KLRB1: variants seen among roughly 807,000 people sequenced by gnomAD.
KLRB1 encodes the protein killer cell lectin-like receptor subfamily B member 1.
A neutral mutation model predicts 33.5 loss-of-function variants in KLRB1; 27 were observed. The ratio of observed to expected loss-of-function variants is 0.81; its 90% CI spans 0.59 to 1.11. The LOEUF is 1.11. KLRB1 is among the 50% of genes most tolerant of loss of function. The probability of loss-of-function intolerance (pLI) is 0.00; values close to 1 mark genes in which losing one functional copy is unlikely to be tolerated. For missense variants in KLRB1, 241 were observed against 254.1 expected, an observed-to-expected ratio of 0.95 and a Z score of 0.35; for synonymous variants, 64 against 88.9, an observed-to-expected ratio of 0.72 and a Z score of 1.58.
chr12:9,601,725 C>A, intron 1 of KLRB1, 126 bp from the exon 2 acceptor site: 2 of 643,086 alleles, frequency 3.1e-6, no homozygotes. Context: ...TTAGATTCAG[C>A]TTGGGGGATG....
intron 1 of KLRB1, among the ~76,000 whole-genome samples, chr12:9,604,194 A>C (rs1157131252): frequency 6.6e-6 from 1 of 152,154 alleles, no homozygotes. Context: ...ACAATGAATC[A>C]CTACAGGGGT....
At chr12:9,600,500 T>C (rs1244294484) in intron 2 of KLRB1, among the ~76,000 whole-genome samples, 1 of 152,214 alleles carries the variant, frequency 6.6e-6, no homozygotes, top group African/African-American at 2.4e-5. Context: ...ATTGTTACTG[T>C]GTCTGTGTAG....
intron 1 of KLRB1, among the ~76,000 whole-genome samples, chr12:9,604,820 G>A (rs1393502112): frequency 6.6e-6 from 1 of 151,972 alleles, no homozygotes; most frequent in Non-Finnish European, 1.5e-5. Flanking sequence ...TTTATTGATG[G>A]TGTGCCTCCA....
chr12:9,606,065 T>G (rs946248008), intron 1 of KLRB1, among the ~76,000 whole-genome samples: 3 of 152,188 alleles, frequency 2.0e-5, no homozygotes, highest in African/African-American at 7.2e-5. Context: ...TAGAACCCTC[T>G]GATTTCCTCT....
intron 1 of KLRB1, among the ~76,000 whole-genome samples, chr12:9,603,668 T>C (rs1864569446): frequency 6.6e-6 from 1 of 150,486 alleles, no homozygotes; most frequent in South Asian, 2.1e-4. Flanking sequence ...ACTCCCAACC[T>C]CAGGTGATCC....
Position 9,595,165 on chromosome 12 carries a change from T to A in KLRB1, c.*109A>T. 1.2e-6 allele frequency: 1 copy of A among 856,306 alleles called. No homozygotes were observed. The highest frequency in any genetic ancestry group is 1.9e-6 in the Non-Finnish European group (1 of 536,640). 53.0% of individuals were successfully genotyped at this position (856,306 alleles called of 1,614,324 possible). ...AACAGTTGTCAATTCTCAGAATTGT[T>A]CACTTTGTGCCACTAAATGTGGCAC... On this transcript the variant is annotated 3_prime_UTR_variant, in exon 6 of 6. Transcript: ENST00000229402.
chr12:9,605,673 A>G (rs966995745), intron 1 of KLRB1, among the ~76,000 whole-genome samples: 4 of 152,208 alleles, frequency 2.6e-5, no homozygotes, highest in African/African-American at 9.6e-5. Context: ...TGCCTTAGAC[A>G]CAATCACCGT....
At chr12:9,601,624 A>AG in intron 1 of KLRB1, 25 bp from the exon 2 acceptor site, 2 of 1,408,444 alleles carry the variant, frequency 1.4e-6, no homozygotes, top group Non-Finnish European at 1.9e-6. Context: ...AGAAAAACAC[A>AG]AAAACAAACA....
At chr12:9,598,719 C>A in intron 3 of KLRB1, 66 bp from the exon 4 acceptor site, 1 of 1,087,454 alleles carries the variant, frequency 9.2e-7, no homozygotes, top group Non-Finnish European at 1.4e-6. Context: ...CACACCACAA[C>A]CAATCACACA....
At chr12:9,607,392 C>CT (rs764287162) in intron 1 of KLRB1, among the ~76,000 whole-genome samples, 46 of 87,604 alleles carry the variant, frequency 5.3e-4, no homozygotes, top group South Asian at 1.5e-3. Context: ...TTCTTTCTTT[C>CT]TTTCTTTCTT....
At chr12:9,602,213 A>T (rs1864553652) in intron 1 of KLRB1, among the ~76,000 whole-genome samples, 1 of 152,252 alleles carries the variant, frequency 6.6e-6, no homozygotes, top group South Asian at 2.1e-4. Context: ...GTATAACATA[A>T]CATGCGCTTA....
At chr12:9,600,416 T>TA (rs1864528037) in intron 2 of KLRB1, among the ~76,000 whole-genome samples, 2 of 152,176 alleles carry the variant, frequency 1.3e-5, no homozygotes. Context: ...CATGACTTTT[T>TA]ATTCATTGAT....
At chr12:9,598,217 C>G in intron 4 of KLRB1, 56 bp from the exon 5 acceptor site, 3 of 1,157,530 alleles carry the variant, frequency 2.6e-6, no homozygotes, top group Non-Finnish European at 3.9e-6. Context: ...GTTTGATCCC[C>G]TAAAACCTAG....
At chr12:9,607,335 C>CTTCCTTTCTTTCTTTCTTT (rs1491505010) in intron 1 of KLRB1, among the ~76,000 whole-genome samples, 1 of 65,168 alleles carries the variant, frequency 1.5e-5, no homozygotes, top group Non-Finnish European at 3.6e-5. Flanking sequence ...CTCTTTCTTT[C>CTTCCTTTCTTTCTTTCTTT]CTTTCTTTCT....
chr12:9,603,598 A>AT (rs35214620), intron 1 of KLRB1, among the ~76,000 whole-genome samples: 51 of 136,524 alleles, frequency 3.7e-4, no homozygotes, highest in African/African-American at 1.3e-3. Flanking sequence ...CTAATTTTGT[A>AT]TTTTTTTTTT....
intron 5 of KLRB1, 28 bp downstream of exon 5, chr12:9,598,005 GATATAAATTGAAT>G (rs1864506965): frequency 1.1e-6 from 1 of 916,332 alleles, no homozygotes; most frequent in African/African-American, 1.7e-5. Context: ...GTGTAAACCT[GATATAAATTGAAT>G]ATTAAAGTTA....
At chr12:9,596,486 C>A (rs1023787906) in intron 5 of KLRB1, among the ~76,000 whole-genome samples, 2 of 152,074 alleles carry the variant, frequency 1.3e-5, no homozygotes, top group African/African-American at 4.8e-5. Flanking sequence ...CTCCTGTAGC[C>A]CCCAAAATAA....
chr12:9,607,536 G>T (rs1291918242), intron 1 of KLRB1: 1 of 465,762 alleles, frequency 2.1e-6, no homozygotes, highest in Non-Finnish European at 3.9e-6. Flanking sequence ...AGTGATGTTT[G>T]CTTTTCATGC....
intron 1 of KLRB1, among the ~76,000 whole-genome samples, chr12:9,607,374 T>TTCTTTCTTTCTTTCTCTCTC: frequency 1.1e-5 from 1 of 94,238 alleles, no homozygotes; most frequent in South Asian, 4.8e-4. Context: ...CTTTCTTTCT[T>TTCTTTCTTTCTTTCTCTCTC]TCTTTCTTTC....
Sources: gnomAD v4.1 joint callset for allele counts (sites outside exome capture counted in the v4.1 genomes callset) on GRCh38, gnomAD v4.1.1 for gene constraint, MANE v1.5 for transcripts, NCBI Gene and HGNC (gene_info 2026-07-23, HGNC 2026-07-21) for gene names.